Variants in GRIN2A observed in about 807,000 individuals in gnomAD.
GRIN2A encodes glutamate ionotropic receptor NMDA type subunit 2A, also known as glutamate receptor ionotropic, NMDA 2A.
GRIN2A carries 22 observed loss-of-function variants against 113.4 expected under a neutral mutation model. That is an observed-to-expected ratio of 0.19 (90% CI 0.14 to 0.28). The LOEUF (loss-of-function observed/expected upper bound fraction) is 0.28, where lower values mean the gene tolerates loss of function less well. GRIN2A is among the 10% of genes least tolerant of loss of function. GRIN2A has a pLI of 1.00. For synonymous variants in GRIN2A, 827 were observed against 738.4 expected (o/e 1.12, Z -1.94); for missense variants, 1,502 against 1,887.0 (o/e 0.80, Z 3.78).
At chr16:10,008,960 A>G (rs2046453564) in intron 2 of GRIN2A, among the ~76,000 whole-genome samples, 1 of 152,260 alleles carries the variant, frequency 6.6e-6, no homozygotes, top group Admixed American at 6.5e-5. Context: ...GAGATTTAGC[A>G]GTAAACAAAA....
At chr16:10,015,272 G>GAAAAA (rs1189929832) in intron 2 of GRIN2A, among the ~76,000 whole-genome samples, 1 of 76,060 alleles carries the variant, frequency 1.3e-5, no homozygotes, top group Non-Finnish European at 2.4e-5. Flanking sequence ...AAAAAAAAAA[G>GAAAAA]AAAAAAAAAA....
At chr16:9,785,525 C>T (rs1902185965) in intron 11 of GRIN2A, among the ~76,000 whole-genome samples, 1 of 151,792 alleles carries the variant, frequency 6.6e-6, no homozygotes, top group South Asian at 2.1e-4. Flanking sequence ...ACCAACATGG[C>T]ACATGTACAC....
At chr16:9,984,196 G>A (rs1483173622) in intron 2 of GRIN2A, among the ~76,000 whole-genome samples, 1 of 150,116 alleles carries the variant, frequency 6.7e-6, no homozygotes, top group Non-Finnish European at 1.5e-5. Flanking sequence ...TTTAAGAGAT[G>A]TTTATTTAAC....
At chr16:9,999,443 G>T (rs1173205288) in intron 2 of GRIN2A, among the ~76,000 whole-genome samples, 1 of 152,138 alleles carries the variant, frequency 6.6e-6, no homozygotes, top group Non-Finnish European at 1.5e-5. Context: ...TCTTTTGTAG[G>T]GACATGGATG....
rs552110279 is a variant in GRIN2A at position 9,837,986 on chromosome 16, G to A, written c.1651+2661C>T. Among the ~76,000 whole-genome samples, 12 of 152,260 alleles carry A rather than the reference G, an allele frequency of 7.9e-5. No individual in the cohort carries two copies. The South Asian group carries it at 1.9e-3, about 24-fold the overall frequency. ...AAAATGAAAACAGTAAATCCATAGC[G>A]CTCTGAATGTAAGGCAGTGTCCAAA... On this transcript the variant is annotated intron_variant, in intron 7 of 12. Coordinates refer to ENST00000330684, the MANE Select transcript of GRIN2A (RefSeq NM_001134407.3).
intron 4 of GRIN2A, among the ~76,000 whole-genome samples, chr16:9,872,564 C>T (rs2043286110): frequency 6.6e-6 from 1 of 152,140 alleles, no homozygotes; most frequent in Non-Finnish European, 1.5e-5. Flanking sequence ...GCAAAGCCTC[C>T]ATGTCATTTT....
At chr16:9,979,439 C>G (rs2045841544) in intron 2 of GRIN2A, among the ~76,000 whole-genome samples, 1 of 152,104 alleles carries the variant, frequency 6.6e-6, no homozygotes, top group Non-Finnish European at 1.5e-5. Context: ...AATGCTTTTT[C>G]CTCCGCTGTT....
chr16:10,049,858 GC>G (rs747038497), intron 2 of GRIN2A, among the ~76,000 whole-genome samples: 2 of 152,172 alleles, frequency 1.3e-5, no homozygotes, highest in Non-Finnish European at 2.9e-5. Context: ...CTCATAGGAA[GC>G]TTTCAATTAA....
intron 10 of GRIN2A, among the ~76,000 whole-genome samples, chr16:9,807,700 C>T (rs2042009964): frequency 6.6e-6 from 1 of 152,106 alleles, no homozygotes; most frequent in Non-Finnish European, 1.5e-5. Flanking sequence ...TTTTCCAGAC[C>T]GGTCTGTCAC....
chr16:9,784,656 C>A (rs1377128816), intron 11 of GRIN2A, among the ~76,000 whole-genome samples: 3 of 152,034 alleles, frequency 2.0e-5, no homozygotes, highest in Admixed American at 6.5e-5. Flanking sequence ...AACGGGCAAC[C>A]TACAGAATGG....
intron 4 of GRIN2A, among the ~76,000 whole-genome samples, chr16:9,881,551 T>C (rs2043481150): frequency 1.3e-5 from 2 of 152,210 alleles, no homozygotes; most frequent in Admixed American, 6.5e-5. Context: ...CCCAAGGTGA[T>C]TCTAATCTAG....
intron 2 of GRIN2A, among the ~76,000 whole-genome samples, chr16:10,094,779 G>A (rs2048254109): frequency 1.3e-5 from 2 of 150,466 alleles, no homozygotes; most frequent in African/African-American, 4.9e-5. Flanking sequence ...GAGGAACCCA[G>A]ACCCTTGGAG....
At chr16:9,777,986 A>C (rs1467830677) in intron 11 of GRIN2A, among the ~76,000 whole-genome samples, 1 of 152,202 alleles carries the variant, frequency 6.6e-6, no homozygotes. Flanking sequence ...AATCACTTGA[A>C]CCTGGGAGGT....
chr16:10,102,163 T>G (rs1331274049), intron 2 of GRIN2A, among the ~76,000 whole-genome samples: 1 of 152,238 alleles, frequency 6.6e-6, no homozygotes, highest in Non-Finnish European at 1.5e-5. Context: ...CCCTCCAAAC[T>G]CATGTTGAAA....
chr16:9,888,745 C>A (rs189797749), intron 4 of GRIN2A, among the ~76,000 whole-genome samples: 1 of 151,478 alleles, frequency 6.6e-6, no homozygotes, highest in African/African-American at 2.4e-5. Context: ...ATATATAAAT[C>A]GATATATATA....
chr16:9,999,068 C>G (rs2046277636), intron 2 of GRIN2A, among the ~76,000 whole-genome samples: 4 of 152,262 alleles, frequency 2.6e-5, no homozygotes, highest in African/African-American at 7.2e-5. Context: ...TCCTATTATA[C>G]AAGTGTAGTA....
Position 9,756,971 on chromosome 16 carries a change from A to G in GRIN2A, c.*6178T>C, listed in dbSNP as rs886052531. The stretch of plus-strand genomic sequence containing the variant: ...GAACTTGATAAAGAATTTTCCCTCT[A>G]TGCTTCCCTGATACATTCATACCCT... On this transcript the variant is annotated 3_prime_UTR_variant, in exon 13 of 13. Coordinates refer to ENST00000330684, the MANE Select transcript of GRIN2A (RefSeq NM_001134407.3). 1.1e-4 allele frequency: 21 copies of G among 192,596 alleles called. No individual in the cohort carries two copies. Among genetic ancestry groups the G allele is most frequent in the African/African-American group, 2.1e-4 (9 of 43,108 alleles). The allele number at this position is 192,596 out of a possible 1,614,324, so 11.9% of individuals were successfully genotyped here. A position where few individuals can be genotyped will look rare whatever the true frequency, so the allele number is the denominator to read the frequency against.
chr16:10,042,815 T>G (rs1444721744), intron 2 of GRIN2A, among the ~76,000 whole-genome samples: 1 of 152,148 alleles, frequency 6.6e-6, no homozygotes, highest in East Asian at 1.9e-4. Flanking sequence ...AAATCTCTCT[T>G]CTGCCACATT....
chr16:10,154,069 A>G (rs1361657338), intron 2 of GRIN2A, among the ~76,000 whole-genome samples: 2 of 152,156 alleles, frequency 1.3e-5, no homozygotes, highest in South Asian at 2.1e-4. Context: ...TTCCAGGCAC[A>G]TGGCAGGAGA....
Sources: gnomAD v4.1 joint callset for allele counts (sites outside exome capture counted in the v4.1 genomes callset) on GRCh38, gnomAD v4.1.1 for gene constraint, MANE v1.5 for transcripts, NCBI Gene and HGNC (gene_info 2026-07-23, HGNC 2026-07-21) for gene names.